Variants in CREB5 observed in about 807,000 individuals in gnomAD.
CREB5 encodes the protein cAMP responsive element binding protein 5.
CREB5 carries 19 observed loss-of-function variants against 57.1 expected under a neutral mutation model. The observed-to-expected ratio is 0.33, with a 90% CI of 0.23 to 0.49. The LOEUF (loss-of-function observed/expected upper bound fraction) is 0.49. Ranked by LOEUF, CREB5 falls within the 20% of genes least tolerant of loss-of-function variation. The pLI is 0.99. For missense variants in CREB5, 579 were observed against 671.6 expected, an observed-to-expected ratio of 0.86 and a Z score of 1.52; for synonymous variants, 238 against 238.3, an observed-to-expected ratio of 1.00 and a Z score of 0.01.
intron 1 of CREB5, among the ~76,000 whole-genome samples, chr7:28,373,519 C>G (rs1786757680): frequency 6.6e-6 from 1 of 150,734 alleles, no homozygotes; most frequent in South Asian, 2.1e-4. Flanking sequence ...TGGCTCACTG[C>G]AACCTCTGCC....
intron 1 of CREB5, among the ~76,000 whole-genome samples, chr7:28,452,305 A>C (rs1789860978): frequency 6.6e-6 from 1 of 152,212 alleles, no homozygotes; most frequent in Non-Finnish European, 1.5e-5. Context: ...TATCAGAGTC[A>C]AATCATTCTT....
At chr7:28,673,657 C>CTTTTTTTTT (rs549391329) in intron 5 of CREB5, among the ~76,000 whole-genome samples, 4 of 55,728 alleles carry the variant, frequency 7.2e-5, no homozygotes, top group Non-Finnish European at 9.4e-5. Context: ...CTCTCTCTCT[C>CTTTTTTTTT]TTTTTTTTTT....
At chr7:28,345,282 T>C (rs866317243) in intron 1 of CREB5, among the ~76,000 whole-genome samples, 173 of 152,234 alleles carry the variant, frequency 1.1e-3, no homozygotes, top group African/African-American at 3.9e-3. Flanking sequence ...TCTTTTTTTT[T>C]TTTTTTTATC....
intron 1 of CREB5, among the ~76,000 whole-genome samples, chr7:28,405,818 T>C (rs1171948452): frequency 2.6e-5 from 4 of 152,162 alleles, no homozygotes; most frequent in Non-Finnish European, 4.4e-5. Flanking sequence ...TGCCCATCTA[T>C]GAATTCATTA....
Position 28,358,063 on chromosome 7 carries a change from A to G in CREB5, c.-25+58622A>G, listed in dbSNP as rs905829343. Among the ~76,000 whole-genome samples, 4 of 152,276 alleles carry G rather than the reference A, an allele frequency of 2.6e-5. No homozygotes were observed. In the East Asian group the frequency reaches 7.7e-4, roughly 29 times the overall value. On this transcript the variant is annotated intron_variant, in intron 1 of 9. Transcript: ENST00000396299. ...AGCTGGTAGCCTTCACTAAGCACCT[A>G]CTGTATGTCATGCATTGTCTGAGGC...
At chr7:28,720,865 A>G (rs953745194) in intron 6 of CREB5, among the ~76,000 whole-genome samples, 2 of 152,204 alleles carry the variant, frequency 1.3e-5, no homozygotes, top group Non-Finnish European at 2.9e-5. Context: ...TTGCCCAGAA[A>G]AATACCACTG....
chr7:28,464,558 C>T (rs909009782), intron 1 of CREB5, among the ~76,000 whole-genome samples: 10 of 138,064 alleles, frequency 7.2e-5, no homozygotes, highest in Admixed American at 1.5e-4. Context: ...AATCTCTTTG[C>T]TTGTTGCATG....
intron 1 of CREB5, among the ~76,000 whole-genome samples, chr7:28,397,116 GT>G (rs1400027326): frequency 6.6e-6 from 1 of 152,156 alleles, no homozygotes; most frequent in African/African-American, 2.4e-5. Flanking sequence ...TAAAGGCGCA[GT>G]GTAATGAGTT....
At chr7:28,756,557 CAA>C (rs34257489) in intron 7 of CREB5, among the ~76,000 whole-genome samples, 3 of 140,642 alleles carry the variant, frequency 2.1e-5, no homozygotes, top group Admixed American at 7.0e-5. Context: ...ATTCCATCTC[CAA>C]AAAAAAAAAA....
At chr7:28,302,506 G>T (rs1562647864) in intron 1 of CREB5, among the ~76,000 whole-genome samples, 1 of 152,150 alleles carries the variant, frequency 6.6e-6, no homozygotes, top group Non-Finnish European at 1.5e-5. Flanking sequence ...GAATTCATAG[G>T]ATTTAGAGCT....
At chr7:28,723,431 A>AATG (rs1161810611) in intron 6 of CREB5, among the ~76,000 whole-genome samples, 1 of 152,232 alleles carries the variant, frequency 6.6e-6, no homozygotes, top group Admixed American at 6.5e-5. Flanking sequence ...TTTTAGACAC[A>AATG]ATGGCAGGCC....
chr7:28,635,559 C>T (rs763073728), intron 5 of CREB5, among the ~76,000 whole-genome samples: 1 of 152,190 alleles, frequency 6.6e-6, no homozygotes, highest in Non-Finnish European at 1.5e-5. Context: ...CCTCAGCTGA[C>T]AAGCTGCGGA....
intron 7 of CREB5, among the ~76,000 whole-genome samples, chr7:28,746,497 A>G (rs577412587): frequency 1.3e-5 from 2 of 152,310 alleles, no homozygotes; most frequent in Non-Finnish European, 2.9e-5. Context: ...CTTTTTAATA[A>G]GATTCTCAGG....
At chr7:28,399,247 C>A (rs1787397778) in intron 1 of CREB5, among the ~76,000 whole-genome samples, 1 of 149,254 alleles carries the variant, frequency 6.7e-6, no homozygotes. Flanking sequence ...CAAAAGACAG[C>A]ATAGACAAAG....
intron 5 of CREB5, among the ~76,000 whole-genome samples, chr7:28,715,803 G>GATCTCAAATA (rs1403888313): frequency 6.6e-6 from 1 of 152,118 alleles, no homozygotes; most frequent in East Asian, 1.9e-4. Flanking sequence ...AACATATAGG[G>GATCTCAAATA]ATCTCAAATA....
Position 28,381,810 on chromosome 7 carries a change from T to G in CREB5, c.-25+82369T>G, listed in dbSNP as rs560748543. 9.9e-5 allele frequency among the ~76,000 whole-genome samples: 15 copies of G among 152,154 alleles called. No homozygotes were observed. The South Asian group carries it at 3.1e-3, about 32-fold the overall frequency. ...CAAGAGGAACTTGGTAGTCGCTGAG[T>G]TTTGCTTATGTCTTGTTACATTGTG... On this transcript the variant is annotated intron_variant, in intron 1 of 9. Coordinates refer to the CREB5 transcript ENST00000396299.
intron 5 of CREB5, among the ~76,000 whole-genome samples, chr7:28,592,856 C>T (rs181838591): frequency 2.0e-5 from 3 of 152,142 alleles, no homozygotes; most frequent in Admixed American, 6.5e-5. Context: ...TCTGTGTCTC[C>T]GTTTTCTTAT....
chr7:28,499,700 C>T (rs1482517674), intron 3 of CREB5, among the ~76,000 whole-genome samples: 2 of 152,198 alleles, frequency 1.3e-5, no homozygotes, highest in Non-Finnish European at 2.9e-5. Flanking sequence ...TTTCCTGCCT[C>T]AGCCTCCTGA....
At chr7:28,813,604 A>C (rs994959663) in intron 9 of CREB5, among the ~76,000 whole-genome samples, 1 of 152,200 alleles carries the variant, frequency 6.6e-6, no homozygotes, top group Non-Finnish European at 1.5e-5. Flanking sequence ...CCATTTTGAT[A>C]ATTATTTTTT....
Sources: gnomAD v4.1 joint callset for allele counts (sites outside exome capture counted in the v4.1 genomes callset) on GRCh38, gnomAD v4.1.1 for gene constraint, MANE v1.5 for transcripts, NCBI Gene and HGNC (gene_info 2026-07-23, HGNC 2026-07-21) for gene names.